Variants in ARHGAP23 observed in about 807,000 individuals in gnomAD.
The protein encoded by ARHGAP23 is rho GTPase-activating protein 23.
In ARHGAP23, 34 loss-of-function variants were observed where a neutral mutation model predicts 136.3. The observed-to-expected ratio is 0.25, with a 90% CI of 0.19 to 0.33. ARHGAP23 has a LOEUF of 0.33. Ranked by LOEUF, ARHGAP23 falls within the 10% of genes least tolerant of loss-of-function variation. The probability of loss-of-function intolerance (pLI) is 1.00; values close to 1 mark genes in which losing one functional copy is unlikely to be tolerated. For missense variants in ARHGAP23, 1,808 were observed against 2,139.0 expected (o/e 0.85, Z 3.05); for synonymous variants, 832 against 920.5 (o/e 0.90, Z 1.74).
At chr17:38,465,745 C>G (rs529094905) in intron 6 of ARHGAP23, among the ~76,000 whole-genome samples, 11 of 152,006 alleles carry the variant, frequency 7.2e-5, no homozygotes, top group East Asian at 5.9e-4. Flanking sequence ...CACCCCTAGC[C>G]GGCTTTCTTC....
chr17:38,428,402 G>C (rs2038605826), upstream of ARHGAP23: 3 of 593,900 alleles, frequency 5.1e-6, no homozygotes, highest in Admixed American at 4.8e-5. Flanking sequence ...CACCGCGCTC[G>C]GCCCCGCCCC....
At position 38,469,215 on chromosome 17, in the gene ARHGAP23, A is replaced by G; in HGVS notation, c.1720A>G (p.Met574Val). The G allele has an allele frequency of 1.9e-6, 3 of 1,551,610 alleles. No homozygotes were observed. Among genetic ancestry groups the G allele is most frequent in the Non-Finnish European group, 2.6e-6 (3 of 1,146,830 alleles). Residue 574 changes from methionine to valine, a missense_variant, in exon 8 of 24, where the codon ATG (methionine) becomes GTG (valine). This residue lies in a region of ARHGAP23 where 859 missense variants were observed against 936.4 expected (regional missense o/e 0.92). Coordinates refer to ENST00000622683, the MANE Select transcript of ARHGAP23 (RefSeq NM_001199417.2). ...TGCCTCTGCTGTGGTCTCCAGTGCC[A>G]TGAACTCAGCCCCTGTCCTGGGCAC... Reference protein sequence around the residue: ...VPASAVVSSAMNSAPVLGTSP... With the variant: ...VPASAVVSSAVNSAPVLGTSP...
chr17:38,425,267 G>C (rs1311216689), upstream of ARHGAP23, among the ~76,000 whole-genome samples: 2 of 152,112 alleles, frequency 1.3e-5, no homozygotes, highest in African/African-American at 4.8e-5. Flanking sequence ...GCCGGAGCCT[G>C]CTCTCTCTCC....
intron 23 of ARHGAP23, among the ~76,000 whole-genome samples, chr17:38,501,427 G>A (rs1337489556): frequency 1.3e-5 from 2 of 151,946 alleles, no homozygotes; most frequent in Non-Finnish European, 2.9e-5. Flanking sequence ...TCAGCCTCCC[G>A]AGTAGCTGGG....
chr17:38,436,984 C>T (rs2038811888), intron 1 of ARHGAP23, among the ~76,000 whole-genome samples: 1 of 152,194 alleles, frequency 6.6e-6, no homozygotes, highest in Non-Finnish European at 1.5e-5. Context: ...CCAAATCTAT[C>T]ATTAACCTGA....
Position 38,510,628 on chromosome 17 carries a change from GGC to G in ARHGAP23, c.4133_4134del (p.Gly1378AspfsTer38). 2 of 1,347,492 alleles carry G rather than the reference GGC, an allele frequency of 1.5e-6. No homozygotes were observed. Among genetic ancestry groups the G allele is most frequent in the Non-Finnish European group, 1.9e-6 (2 of 1,057,894 alleles). The allele number at this position is 1,347,492 out of a possible 1,614,324, so 83.5% of individuals were successfully genotyped here. ...RMEALRLRLR[G>X]TADDMLAVRL... is the part of the protein sequence containing the mutation. ...GGAGGCGCTGCGTCTAAGGCTCCGC[GGC>G]ACGGCGGACGACATGCTCGCCGTGC... On this transcript the variant is annotated frameshift_variant, in exon 24 of 24. Transcript: ENST00000622683. LOFTEE classifies it high-confidence loss of function. The surrounding 1 kb of genome is among the most constrained non-coding windows in gnomAD (Gnocchi z 4.6).
At chr17:38,444,436 C>T (rs1364506604) in intron 1 of ARHGAP23, among the ~76,000 whole-genome samples, 2 of 151,956 alleles carry the variant, frequency 1.3e-5, no homozygotes, top group Non-Finnish European at 2.9e-5. Context: ...GAGCGTGTGG[C>T]GCGTTGGAAT....
At position 38,436,842 on chromosome 17, in the gene ARHGAP23, T is replaced by C. The variant is rs116741726; in HGVS notation, c.63+8294T>C. 3.3e-3 allele frequency among the ~76,000 whole-genome samples: 498 copies of C among 152,264 alleles called. 3 individuals are homozygous for C. Among genetic ancestry groups the C allele is most frequent in the African/African-American group, 0.011 (468 of 41,538 alleles). Reference sequence around the variant, plus strand: ...CCAATGTCTTCACCATGGTAATCGTTGGAAAGTGAGTGTGGTCACAAAGGC... The same window carrying C: ...CCAATGTCTTCACCATGGTAATCGTCGGAAAGTGAGTGTGGTCACAAAGGC... On this transcript the variant is annotated intron_variant, in intron 1 of 23. Transcript: ENST00000622683.
chr17:38,510,529 G>C lies in ARHGAP23; in HGVS notation c.4033G>C (p.Gly1345Arg), dbSNP rs1343345187. ...CGGTCCCCGCGCCCCGGAGCCGCCC[G>C]GCTCGGCGTCGTCCAGCAGCCAGGA... The part of the protein sequence containing the change: ...RGGPRAPEPP[G>R]SASSSSQESL... The change falls in exon 24 of 24, where the codon GGC becomes CGC. Residue 1345 changes from glycine to arginine, a missense_variant. Physicochemically the swap from Gly to Arg is moderately radical, Grantham distance 125. Transcript: ENST00000622683. The surrounding 1 kb of genome is among the most constrained non-coding windows in gnomAD (Gnocchi z 4.6). 3 of 1,152,702 alleles carry C rather than the reference G, an allele frequency of 2.6e-6. No individual in the cohort carries two copies. The highest frequency in any genetic ancestry group is 3.2e-6 in the Non-Finnish European group (3 of 939,892). The allele number at this position is 1,152,702 out of a possible 1,614,324, so 71.4% of individuals were successfully genotyped here. A position where few individuals can be genotyped will look rare whatever the true frequency, so the allele number is the denominator to read the frequency against.
At position 38,500,578 on chromosome 17, in the gene ARHGAP23, T is replaced by C; in HGVS notation, c.3416-19T>C. The C allele has an allele frequency of 6.5e-7, 1 of 1,548,962 alleles. No homozygotes were observed. The highest frequency in any genetic ancestry group is 2.4e-5 in the East Asian group (1 of 40,928). On this transcript the variant is annotated intron_variant, in intron 22 of 23. Coordinates refer to ENST00000622683, the MANE Select transcript of ARHGAP23 (RefSeq NM_001199417.2). Reference sequence around the variant, plus strand: ...TTCCTGATGCAACTTTCATTTTTTTTTCTGTCTTTCACCAACAGATTCTAC... The same window carrying C: ...TTCCTGATGCAACTTTCATTTTTTTCTCTGTCTTTCACCAACAGATTCTAC...
In ARHGAP23 at chr17:38,482,690, T is replaced by C; in HGVS notation, c.2907+12T>C. ...ACCTGCAGGATGAGGTGGGTGAAGC[T>C]GGGGGGTCTGTGGAAGAGGGGCTGA... On this transcript the variant is annotated intron_variant, in intron 16 of 23. Coordinates refer to ENST00000622683, the MANE Select transcript of ARHGAP23 (RefSeq NM_001199417.2). 3.9e-6 allele frequency: 6 copies of C among 1,541,984 alleles called. No individual in the cohort carries two copies. Among genetic ancestry groups the C allele is most frequent in the Non-Finnish European group, 5.3e-6 (6 of 1,141,556 alleles).
At chr17:38,443,355 G>T (rs1474167294) in intron 1 of ARHGAP23, among the ~76,000 whole-genome samples, 1 of 152,210 alleles carries the variant, frequency 6.6e-6, no homozygotes, top group Non-Finnish European at 1.5e-5. Flanking sequence ...GCTGCCTGGG[G>T]CATAGTAAGC....
At chr17:38,509,036 AAGGCAGGGGC>A (rs1456064524) in intron 23 of ARHGAP23, among the ~76,000 whole-genome samples, 3 of 14,782 alleles carry the variant, frequency 2.0e-4, no homozygotes, top group African/African-American at 7.4e-4. Context: ...AAGGCAGGGG[AAGGCAGGGGC>A]GGGGCGGGGG....
chr17:38,469,094 C>A (rs1567802311), intron 7 of ARHGAP23, 50 bp from the exon 8 acceptor site: 6 of 1,501,578 alleles, frequency 4.0e-6, no homozygotes, highest in Non-Finnish European at 4.5e-6. Flanking sequence ...TGGAGGCAGG[C>A]AGGCTCCGCT....
intron 1 of ARHGAP23, among the ~76,000 whole-genome samples, chr17:38,429,157 G>A (rs890264210): frequency 4.6e-5 from 7 of 152,234 alleles, no homozygotes; most frequent in Non-Finnish European, 8.8e-5. Flanking sequence ...CTCTGCCGGC[G>A]AGGCTGCCCT....
chr17:38,478,656 G>A (rs983499252), intron 12 of ARHGAP23, among the ~76,000 whole-genome samples: 27 of 151,978 alleles, frequency 1.8e-4, no homozygotes, highest in African/African-American at 6.5e-4. Flanking sequence ...TGATCCTCCC[G>A]CCTCAGCCTC....
chr17:38,507,310 C>G (rs1203895952), intron 23 of ARHGAP23, among the ~76,000 whole-genome samples: 3 of 45,316 alleles, frequency 6.6e-5, no homozygotes, highest in African/African-American at 1.8e-4. Context: ...TAATAATGCT[C>G]TAGCCTGGTG....
intron 6 of ARHGAP23, 46 bp downstream of exon 6, chr17:38,463,428 G>A: frequency 6.5e-7 from 1 of 1,546,432 alleles, no homozygotes; most frequent in East Asian, 2.4e-5. Context: ...TGAGCCCTGG[G>A]GCAGCACCGG....
intron 1 of ARHGAP23, among the ~76,000 whole-genome samples, chr17:38,433,859 C>T (rs925297945): frequency 6.6e-6 from 1 of 152,062 alleles, no homozygotes; most frequent in Non-Finnish European, 1.5e-5. Context: ...GCTTGGTGGC[C>T]GAGGGACAGA....
Sources: gnomAD v4.1 joint callset for allele counts (sites outside exome capture counted in the v4.1 genomes callset) on GRCh38, gnomAD v4.1.1 for gene constraint, gnomAD v4.1.1 regional missense constraint, Gnocchi (gnomAD v3.1) non-coding constraint, MANE v1.5 for transcripts, NCBI Gene and HGNC (gene_info 2026-07-23, HGNC 2026-07-21) for gene names.